ETNPPL: variants seen among roughly 807,000 people sequenced by gnomAD.
The protein encoded by ETNPPL is ethanolamine-phosphate phospho-lyase, also known as alanine--glyoxylate aminotransferase 2-like 1.
ETNPPL carries 30 observed loss-of-function variants against 55.5 expected under a neutral mutation model. The observed-to-expected ratio is 0.54, with a 90% CI of 0.40 to 0.73. ETNPPL has a LOEUF of 0.73. Among genes scored for constraint, ETNPPL ranks in the 30% least tolerant of loss-of-function variants. ETNPPL has a pLI of 0.00. For missense variants in ETNPPL, 528 were observed against 607.9 expected, an observed-to-expected ratio of 0.87 and a Z score of 1.38; for synonymous variants, 202 against 207.2, an observed-to-expected ratio of 0.98 and a Z score of 0.21.
At position 108,743,967 on chromosome 4, in the gene ETNPPL, G is replaced by A. The variant is rs181600789; in HGVS notation, c.1304-111C>T. ...AATGAAGAATGGAAGGAAATGTTAT[G>A]TGTTAAAAGAATGGGCTGGGCGCTG... On this transcript the variant is annotated intron_variant, in intron 11 of 12. Coordinates refer to ENST00000296486, the MANE Select transcript of ETNPPL (RefSeq NM_031279.4). The A allele has an allele frequency of 2.5e-3, 1,865 of 733,110 alleles. 5 individuals carry two copies. Among genetic ancestry groups the A allele is most frequent in the Non-Finnish European group, 2.9e-3 (1,211 of 422,572 alleles). The allele number at this position is 733,110 out of a possible 1,614,324, so 45.4% of individuals were successfully genotyped here.
intron 4 of ETNPPL, among the ~76,000 whole-genome samples, chr4:108,755,612 T>C (rs1729160264): frequency 6.6e-6 from 1 of 151,764 alleles, no homozygotes; most frequent in Admixed American, 6.6e-5. Context: ...AGGTCAGGAG[T>C]TCGAAACCAG....
intron 8 of ETNPPL, among the ~76,000 whole-genome samples, chr4:108,748,593 T>C (rs973099488): frequency 6.6e-6 from 1 of 152,192 alleles, no homozygotes; most frequent in Non-Finnish European, 1.5e-5. Context: ...AGTCGTATTA[T>C]ATATACTGAA....
chr4:108,748,649 C>CA (rs919349670), intron 8 of ETNPPL, among the ~76,000 whole-genome samples: 1 of 151,550 alleles, frequency 6.6e-6, no homozygotes, highest in Non-Finnish European at 1.5e-5. Flanking sequence ...GGGGATAAGT[C>CA]AAAAAAATAT....
intron 3 of ETNPPL, among the ~76,000 whole-genome samples, chr4:108,757,633 T>C (rs1259264874): frequency 6.6e-6 from 1 of 152,126 alleles, no homozygotes; most frequent in African/African-American, 2.4e-5. Context: ...ATTTTTTAAA[T>C]TAAAAAAATA....
chr4:108,756,627 A>C (rs938240115), intron 3 of ETNPPL, 135 bp from the exon 4 acceptor site: 8 of 650,744 alleles, frequency 1.2e-5, no homozygotes, highest in Non-Finnish European at 2.2e-5. Flanking sequence ...GCCTGAGCTC[A>C]GAAGTTAGAG....
At chr4:108,761,040 TA>T (rs1729486146) in intron 1 of ETNPPL, among the ~76,000 whole-genome samples, 1 of 152,218 alleles carries the variant, frequency 6.6e-6, no homozygotes, top group South Asian at 2.1e-4. Flanking sequence ...TTTCCATTAT[TA>T]AATAGTGAAA....
chr4:108,747,890 G>T, intron 9 of ETNPPL, 115 bp downstream of exon 9: 2 of 821,764 alleles, frequency 2.4e-6, no homozygotes, highest in South Asian at 1.7e-5. Context: ...CACCACACCT[G>T]GCTAATTTTT....
Position 108,754,321 on chromosome 4 carries a change from G to A in ETNPPL, c.501+299C>T, listed in dbSNP as rs2125678771. Among the ~76,000 whole-genome samples the A allele has an allele frequency of 3.3e-5, 5 of 152,210 alleles. No homozygotes were observed. The Middle Eastern group carries it at 0.017, about 518-fold the overall frequency. On this transcript the variant is annotated intron_variant, in intron 5 of 12. Coordinates refer to ENST00000296486, the MANE Select transcript of ETNPPL (RefSeq NM_031279.4). ...CACTTAGTTCAACTCTGAATTTTGA[G>A]TTGGCATTTGTGATAGAAAATGTAA...
rs140014635 is a variant in ETNPPL, at chr4:108,749,530, G to C, written c.702-67C>G. On this transcript the variant is annotated intron_variant, in intron 7 of 12. Transcript: ENST00000296486. ...GATCCCCAAACCCACCCACAAAGATGCAAATTATTGAAGACAAAAAAAAAA... is the reference window on the plus strand; with the variant it reads ...GATCCCCAAACCCACCCACAAAGATCCAAATTATTGAAGACAAAAAAAAAA... 525 of 1,200,492 alleles carry C rather than the reference G, an allele frequency of 4.4e-4. 3 individuals carry two copies. In the African/African-American group the frequency reaches 7.6e-3, roughly 17 times the overall value. The allele number at this position is 1,200,492 out of a possible 1,614,324, so 74.4% of individuals were successfully genotyped here.
chr4:108,761,188 A>G (rs1250586623), intron 1 of ETNPPL, among the ~76,000 whole-genome samples: 2 of 152,192 alleles, frequency 1.3e-5, no homozygotes, highest in African/African-American at 2.4e-5. Flanking sequence ...GGCTTTATGA[A>G]CATTTAAGAA....
rs1264914894 is a variant in ETNPPL, at chr4:108,747,234, AT to A, written c.1083-384del. 4.8e-5 allele frequency among the ~76,000 whole-genome samples: 2 copies of A among 41,718 alleles called. 1 individual carries two copies. The highest frequency in any genetic ancestry group is 6.9e-5 in the Non-Finnish European group (2 of 28,782). 27.4% of individuals were successfully genotyped at this position (41,718 alleles called of 152,430 possible). ...ATATATATATATATATTATATATAT[AT>A]ATATAATATATATATATATTATATA... On this transcript the variant is annotated intron_variant, in intron 9 of 12. Coordinates refer to ENST00000296486, the MANE Select transcript of ETNPPL (RefSeq NM_031279.4).
chr4:108,757,894 A>T (rs531013856), intron 3 of ETNPPL, among the ~76,000 whole-genome samples: 18 of 152,104 alleles, frequency 1.2e-4, no homozygotes, highest in African/African-American at 3.9e-4. Flanking sequence ...TGTGACCACC[A>T]TGCTGGACAT....
chr4:108,754,986 G>A (rs996047901), intron 4 of ETNPPL, among the ~76,000 whole-genome samples: 6 of 152,030 alleles, frequency 3.9e-5, no homozygotes, highest in African/African-American at 9.7e-5. Flanking sequence ...TGATGTATTT[G>A]GATTATATTG....
At chr4:108,758,781 G>A (rs1486207298) in intron 3 of ETNPPL, among the ~76,000 whole-genome samples, 4 of 152,202 alleles carry the variant, frequency 2.6e-5, no homozygotes, top group Admixed American at 6.5e-5. Flanking sequence ...GGCTGGGCAC[G>A]GTTGCTCATG....
rs61179231 is a variant in ETNPPL at position 108,755,670 on chromosome 4, G to T, written c.410+748C>A. Among the ~76,000 whole-genome samples, 1,181 of 152,192 alleles carry T rather than the reference G, an allele frequency of 7.8e-3. 18 individuals are homozygous for T. Among genetic ancestry groups the T allele is most frequent in the African/African-American group, 0.027 (1,138 of 41,528 alleles). ...TGTCTCTACTAAAAATACAAAAAAAGTTAGTTGGGCATGGCAGCGGGCACC... is the reference window on the plus strand; with the variant it reads ...TGTCTCTACTAAAAATACAAAAAAATTTAGTTGGGCATGGCAGCGGGCACC... On this transcript the variant is annotated intron_variant, in intron 4 of 12. Transcript: ENST00000296486.
intron 11 of ETNPPL, among the ~76,000 whole-genome samples, chr4:108,744,893 T>C (rs769300160): frequency 1.3e-5 from 2 of 152,014 alleles, no homozygotes; most frequent in Non-Finnish European, 2.9e-5. Flanking sequence ...CTAATTTTTG[T>C]ATTTTATTTT....
At chr4:108,751,626 C>T (rs1728918493) in intron 6 of ETNPPL, among the ~76,000 whole-genome samples, 1 of 152,194 alleles carries the variant, frequency 6.6e-6, no homozygotes, top group Non-Finnish European at 1.5e-5. Flanking sequence ...AGAGAAAGCA[C>T]AAAGAATGTG....
chr4:108,751,022 T>A lies in ETNPPL; in HGVS notation c.619-4A>T. ...ATTCAGCAATAAAGGCAGCAATCTATACAAGAGAAGATGGTGTCAAAGTCC... is the reference window on the plus strand; with the variant it reads ...ATTCAGCAATAAAGGCAGCAATCTAAACAAGAGAAGATGGTGTCAAAGTCC... On this transcript the variant is annotated splice_polypyrimidine_tract_variant and splice_region_variant and intron_variant, in intron 6 of 12. Transcript: ENST00000296486. The A allele has an allele frequency of 6.2e-7, 1 of 1,609,736 alleles. No homozygotes were observed.
chr4:108,755,615 G>A (rs1413056509), intron 4 of ETNPPL, among the ~76,000 whole-genome samples: 2 of 152,104 alleles, frequency 1.3e-5, no homozygotes, highest in East Asian at 1.9e-4. Context: ...TCAGGAGTTC[G>A]AAACCAGCCT....
Sources: gnomAD v4.1 joint callset for allele counts (sites outside exome capture counted in the v4.1 genomes callset) on GRCh38, gnomAD v4.1.1 for gene constraint, MANE v1.5 for transcripts, NCBI Gene and HGNC (gene_info 2026-07-23, HGNC 2026-07-21) for gene names.